CLDN10: variants seen among roughly 807,000 people sequenced by gnomAD.
CLDN10 encodes claudin-10.
In CLDN10, 15 loss-of-function variants were observed where a neutral mutation model predicts 22.9. The observed-to-expected ratio is 0.65, with a 90% confidence interval of 0.44 to 1.01. CLDN10 has a LOEUF of 1.01. CLDN10 is among the 50% of genes least tolerant of loss of function. The pLI is 0.00. For synonymous variants in CLDN10, 114 were observed against 111.4 expected (o/e 1.02, Z -0.15); for missense variants, 247 against 287.8 (o/e 0.86, Z 1.03).
At chr13:95,533,521 C>T (rs995518191) in intron 1 of CLDN10, among the ~76,000 whole-genome samples, 2 of 152,086 alleles carry the variant, frequency 1.3e-5, no homozygotes, top group African/African-American at 2.4e-5. Context: ...CTAATTTGTT[C>T]AATCCATTAA....
In CLDN10 at chr13:95,560,301, G is replaced by A. The variant is rs1282654292; in HGVS notation, c.382+8G>A. On this transcript the variant is annotated splice_region_variant and intron_variant, in intron 2 of 4. Coordinates refer to ENST00000299339, the MANE Select transcript of CLDN10 (RefSeq NM_006984.5). ...TTGTATTCATACTGTCAGGTAAATA[G>A]TAACTTTCTTCCAAACAAGGTACTT... 1.9e-6 allele frequency: 3 copies of A among 1,613,938 alleles called. No homozygotes were observed. Among genetic ancestry groups the A allele is most frequent in the Admixed American group, 1.7e-5 (1 of 60,016 alleles).
intron 3 of CLDN10, among the ~76,000 whole-genome samples, chr13:95,573,717 TTGTGTGTGTGTGTG>T (rs34469647): frequency 4.0e-5 from 6 of 148,932 alleles, no homozygotes; most frequent in Admixed American, 4.0e-4. Context: ...TTATTTTTAT[TTGTGTGTGTGTGTG>T]TGTGTGTGTG....
intron 1 of CLDN10, among the ~76,000 whole-genome samples, chr13:95,493,040 C>G (rs1474566606): frequency 6.6e-6 from 1 of 152,160 alleles, no homozygotes; most frequent in African/African-American, 2.4e-5. Context: ...CTGTGTCCTG[C>G]AGGGGCAGTC....
chr13:95,555,908 C>T (rs2043633051), intron 1 of CLDN10, among the ~76,000 whole-genome samples: 1 of 152,086 alleles, frequency 6.6e-6, no homozygotes, highest in Admixed American at 6.5e-5. Flanking sequence ...GTGGAACAGC[C>T]CTCCCCTTAA....
chr13:95,577,628 T>C (rs188685576), intron 4 of CLDN10, among the ~76,000 whole-genome samples: 1 of 152,342 alleles, frequency 6.6e-6, no homozygotes, highest in Non-Finnish European at 1.5e-5. Flanking sequence ...CTAAGTCTCC[T>C]AGCTTCCAGG....
chr13:95,495,811 T>A (rs748143377), intron 1 of CLDN10, among the ~76,000 whole-genome samples: 146 of 151,252 alleles, frequency 9.7e-4, no homozygotes, highest in Middle Eastern at 6.8e-3. Flanking sequence ...AATCAGCCTG[T>A]AAGGAATTTC....
intron 1 of CLDN10, among the ~76,000 whole-genome samples, chr13:95,501,296 G>A (rs987072677): frequency 2.4e-4 from 37 of 152,072 alleles, no homozygotes; most frequent in Non-Finnish European, 1.0e-4. Context: ...TTACAGGCGT[G>A]AGCCACCACA....
chr13:95,548,339 T>A (rs2043531109), upstream of CLDN10, among the ~76,000 whole-genome samples: 1 of 152,168 alleles, frequency 6.6e-6, no homozygotes, highest in Non-Finnish European at 1.5e-5. Context: ...AATGAGTGTG[T>A]TTCAAATGAA....
chr13:95,474,719 T>C (rs934898573), intron 1 of CLDN10, among the ~76,000 whole-genome samples: 4 of 151,690 alleles, frequency 2.6e-5, no homozygotes, highest in Non-Finnish European at 5.9e-5. Flanking sequence ...TAGAAACGGA[T>C]GGGGAGAAGA....
chr13:95,517,204 C>G (rs758025359), intron 1 of CLDN10, among the ~76,000 whole-genome samples: 24 of 151,174 alleles, frequency 1.6e-4, no homozygotes, highest in Admixed American at 9.2e-4. Flanking sequence ...TCTTTCCTAA[C>G]TTCCTTCCCT....
chr13:95,480,451 A>C (rs2042733947), intron 1 of CLDN10, among the ~76,000 whole-genome samples: 1 of 152,222 alleles, frequency 6.6e-6, no homozygotes, highest in African/African-American at 2.4e-5. Flanking sequence ...CAGATGCGGA[A>C]GAGAGATAAT....
chr13:95,484,995 G>A (rs8002639), intron 1 of CLDN10, among the ~76,000 whole-genome samples: 1 of 151,736 alleles, frequency 6.6e-6, no homozygotes, highest in South Asian at 2.1e-4. Flanking sequence ...TTCCGCCCTA[G>A]AGTTGAGAGG....
intron 1 of CLDN10, among the ~76,000 whole-genome samples, chr13:95,495,054 T>TA (rs2042913995): frequency 1.3e-5 from 2 of 151,926 alleles, no homozygotes; most frequent in African/African-American, 4.8e-5. Context: ...TTTTTTTTTT[T>TA]AGATGGAGTC....
At chr13:95,463,292 A>ATATC (rs1282452790) in intron 1 of CLDN10, among the ~76,000 whole-genome samples, 1 of 45,598 alleles carries the variant, frequency 2.2e-5, no homozygotes, top group Non-Finnish European at 3.5e-5. Context: ...CTTAATATAT[A>ATATC]TATATATATA....
At chr13:95,472,460 T>A (rs2042642669) in intron 1 of CLDN10, among the ~76,000 whole-genome samples, 1 of 152,018 alleles carries the variant, frequency 6.6e-6, no homozygotes, top group South Asian at 2.1e-4. Flanking sequence ...GGTGGGTAGA[T>A]CACTTGAGGT....
chr13:95,501,578 C>T (rs1255245005), intron 1 of CLDN10, among the ~76,000 whole-genome samples: 1 of 152,196 alleles, frequency 6.6e-6, no homozygotes, highest in Non-Finnish European at 1.5e-5. Context: ...TGTCTGAAGT[C>T]AATACAGCTA....
intron 1 of CLDN10, among the ~76,000 whole-genome samples, chr13:95,546,799 T>C (rs2043514006): frequency 6.6e-6 from 1 of 152,174 alleles, no homozygotes; most frequent in Non-Finnish European, 1.5e-5. Flanking sequence ...TCATTCACCC[T>C]GTCCTCAGTG....
chr13:95,502,810 T>G (rs977135925), intron 1 of CLDN10, among the ~76,000 whole-genome samples: 1 of 152,170 alleles, frequency 6.6e-6, no homozygotes, highest in African/African-American at 2.4e-5. Flanking sequence ...CATGAGCCAC[T>G]TTGCCCAACC....
At chr13:95,469,839 G>T (rs1309644940) in intron 1 of CLDN10, among the ~76,000 whole-genome samples, 3 of 152,026 alleles carry the variant, frequency 2.0e-5, no homozygotes, top group Admixed American at 2.0e-4. Flanking sequence ...AACAAGACAG[G>T]CTTTATTGTC....
Sources: allele counts gnomAD v4.1 joint callset (sites outside exome capture counted in the v4.1 genomes callset), GRCh38; gene constraint gnomAD v4.1.1; transcripts MANE v1.5; gene names NCBI Gene and HGNC (gene_info 2026-07-23, HGNC 2026-07-21).